The following ADGRL3 variants were observed in gnomAD, a reference collection of about 807,000 sequenced individuals.
The protein encoded by ADGRL3 is adhesion G protein-coupled receptor L3, also known as calcium-independent alpha-latrotoxin receptor 3.
ADGRL3 carries 62 observed loss-of-function variants against 153.5 expected under a neutral mutation model. The ratio of observed to expected loss-of-function variants is 0.40; its 90% CI spans 0.33 to 0.50. The LOEUF is 0.50. Among genes scored for constraint, ADGRL3 ranks in the 20% least tolerant of loss-of-function variants. The pLI, the probability that ADGRL3 is intolerant of heterozygous loss-of-function variation, is 0.47. For synonymous variants in ADGRL3, 710 were observed against 672.5 expected (o/e 1.06, Z -0.86); for missense variants, 1,641 against 1,859.4 (o/e 0.88, Z 2.16).
At chr4:61,504,406 A>C (rs570725951) in intron 3 of ADGRL3, among the ~76,000 whole-genome samples, 48 of 152,336 alleles carry the variant, frequency 3.2e-4, no homozygotes, top group African/African-American at 1.2e-3. Flanking sequence ...TATGGGGTAC[A>C]TATAATATTT....
In ADGRL3 at chr4:61,895,739, A is replaced by T; in HGVS notation, c.1792A>T (p.Thr598Ser). The T allele has an allele frequency of 6.3e-7, 1 of 1,584,752 alleles. No individual in the cohort carries two copies. Among genetic ancestry groups the T allele is most frequent in the Non-Finnish European group, 8.6e-7 (1 of 1,160,610 alleles). The change falls in exon 11 of 27, where the codon ACT (threonine) becomes TCT (serine). Residue 598 changes from threonine (T) to serine (S), a missense_variant. Coordinates refer to ENST00000683033, the MANE Select transcript of ADGRL3 (RefSeq NM_001387552.1). ...TTCTCTCATTATTACAGGTGTATCAACTTATCTATGCCTTGCTCCTGATGG... is the reference window on the plus strand; with the variant it reads ...TTCTCTCATTATTACAGGTGTATCATCTTATCTATGCCTTGCTCCTGATGG... Reference protein sequence around the residue: ...PCPAGTIGVSTYLCLAPDGIW... With the variant: ...PCPAGTIGVSSYLCLAPDGIW...
At chr4:61,315,009 T>G (rs543957231) in intron 1 of ADGRL3, among the ~76,000 whole-genome samples, 2 of 152,362 alleles carry the variant, frequency 1.3e-5, no homozygotes, top group Admixed American at 1.3e-4. Context: ...CAATTCATTT[T>G]TATGGTTGAA....
intron 1 of ADGRL3, among the ~76,000 whole-genome samples, chr4:61,227,922 T>G (rs1748703596): frequency 1.3e-5 from 2 of 152,210 alleles, no homozygotes; most frequent in South Asian, 4.1e-4. Flanking sequence ...TTGGATCAAT[T>G]GTTGACTTAG....
intron 1 of ADGRL3, among the ~76,000 whole-genome samples, chr4:61,370,067 G>A (rs981726712): frequency 5.3e-4 from 81 of 152,188 alleles, no homozygotes; most frequent in African/African-American, 1.6e-3. Flanking sequence ...TGTGGGATCG[G>A]TGGTGATATC....
chr4:61,692,915 G>T (rs2095566821), intron 6 of ADGRL3, among the ~76,000 whole-genome samples: 1 of 152,040 alleles, frequency 6.6e-6, no homozygotes. Flanking sequence ...AAAAATGTGA[G>T]CTCCTACCTT....
chr4:61,899,480 A>G (rs2098651641), intron 11 of ADGRL3, among the ~76,000 whole-genome samples: 1 of 152,072 alleles, frequency 6.6e-6, no homozygotes. Context: ...GCAAAGGAAC[A>G]CTTTTTACCC....
chr4:61,899,749 T>A (rs548658484), intron 11 of ADGRL3, among the ~76,000 whole-genome samples: 1 of 152,282 alleles, frequency 6.6e-6, no homozygotes, highest in African/African-American at 2.4e-5. Context: ...AAGTCCAAGA[T>A]CAGGGTGCTG....
At chr4:61,806,658 T>G (rs7662566) in intron 8 of ADGRL3, among the ~76,000 whole-genome samples, 2 of 152,042 alleles carry the variant, frequency 1.3e-5, no homozygotes, top group Non-Finnish European at 2.9e-5. Context: ...GGTTAAATAA[T>G]TGGTATTTTC....
chr4:61,983,739 A>G (rs549985478), intron 19 of ADGRL3, 136 bp downstream of exon 19: 4 of 740,292 alleles, frequency 5.4e-6, no homozygotes, highest in Non-Finnish European at 8.7e-6. Context: ...CCATGGTTAT[A>G]CTTTGGTTAT....
intron 1 of ADGRL3, among the ~76,000 whole-genome samples, chr4:61,285,089 A>G (rs1560425548): frequency 6.6e-6 from 1 of 151,782 alleles, no homozygotes; most frequent in Non-Finnish European, 1.5e-5. Flanking sequence ...AAACTACTTA[A>G]TCTGTAGAGA....
At chr4:61,920,396 G>T (rs1298789559) in intron 13 of ADGRL3, among the ~76,000 whole-genome samples, 1 of 152,174 alleles carries the variant, frequency 6.6e-6, no homozygotes, top group Non-Finnish European at 1.5e-5. Flanking sequence ...ATTTTAAAGT[G>T]CAATTTACAG....
chr4:61,638,887 G>T (rs1489806980), intron 5 of ADGRL3, among the ~76,000 whole-genome samples: 2 of 152,134 alleles, frequency 1.3e-5, no homozygotes, highest in African/African-American at 4.8e-5. Context: ...TCAATTATAT[G>T]TAAATTTAGT....
At chr4:61,822,844 C>G (rs2097767935) in intron 9 of ADGRL3, among the ~76,000 whole-genome samples, 1 of 152,008 alleles carries the variant, frequency 6.6e-6, no homozygotes, top group Admixed American at 6.6e-5. Flanking sequence ...AATGGTTATT[C>G]TTAGTATTCA....
At chr4:61,696,866 G>A (rs988200182) in intron 6 of ADGRL3, among the ~76,000 whole-genome samples, 15 of 151,696 alleles carry the variant, frequency 9.9e-5, no homozygotes, top group Admixed American at 6.6e-5. Context: ...TAGTAGAGAC[G>A]AGGTTTCACC....
rs1578694579 is a variant in ADGRL3 at position 61,409,029 on chromosome 4, C to T, written c.-174+25840C>T. ...GTGTCATCAAAAACAATCATTTTAG[C>T]TATGAGTTACAATACTTGCATATTC... On this transcript the variant is annotated intron_variant, in intron 2 of 26. Coordinates refer to ENST00000683033, the MANE Select transcript of ADGRL3 (RefSeq NM_001387552.1). 2.0e-5 allele frequency among the ~76,000 whole-genome samples: 3 copies of T among 151,246 alleles called. No homozygotes were observed. The South Asian group carries it at 6.2e-4, about 31-fold the overall frequency.
intron 17 of ADGRL3, among the ~76,000 whole-genome samples, chr4:61,977,484 C>T (rs1310988541): frequency 6.6e-6 from 1 of 152,126 alleles, no homozygotes; most frequent in Non-Finnish European, 1.5e-5. Flanking sequence ...CCCCGGAGAA[C>T]AAAGCAGTTA....
intron 1 of ADGRL3, among the ~76,000 whole-genome samples, chr4:61,218,453 G>A (rs988739156): frequency 6.6e-6 from 1 of 151,968 alleles, no homozygotes; most frequent in African/African-American, 2.4e-5. Flanking sequence ...GGGACTACAG[G>A]TGTGCACCAC....
At chr4:61,826,323 A>G (rs1437254809) in intron 9 of ADGRL3, among the ~76,000 whole-genome samples, 1 of 152,194 alleles carries the variant, frequency 6.6e-6, no homozygotes, top group Non-Finnish European at 1.5e-5. Flanking sequence ...TTTATAGTAT[A>G]TTAACTAATT....
intron 25 of ADGRL3, among the ~76,000 whole-genome samples, chr4:62,046,431 C>T: frequency 6.6e-6 from 1 of 151,884 alleles, no homozygotes; most frequent in South Asian, 2.1e-4. Flanking sequence ...TTAATTGCTT[C>T]TCAAGAATTT....
Sources: allele counts gnomAD v4.1 joint callset (sites outside exome capture counted in the v4.1 genomes callset), GRCh38; gene constraint gnomAD v4.1.1; transcripts MANE v1.5; gene names NCBI Gene and HGNC (gene_info 2026-07-23, HGNC 2026-07-21).